The following CABIN1 variants were observed in gnomAD, a reference collection of about 807,000 sequenced individuals.
CABIN1 encodes calcineurin binding protein 1, also known as calcineurin-binding protein cabin-1.
CABIN1 carries 133 observed loss-of-function variants against 227.7 expected under a neutral mutation model. That is an observed-to-expected ratio of 0.58 (90% CI 0.51 to 0.67). CABIN1 has a LOEUF of 0.67. Ranked by LOEUF, CABIN1 falls within the 30% of genes least tolerant of loss-of-function variation. The probability of loss-of-function intolerance (pLI) is 0.00; values close to 1 mark genes in which losing one functional copy is unlikely to be tolerated. For synonymous variants in CABIN1, 1,086 were observed against 1,155.1 expected, an observed-to-expected ratio of 0.94 and a Z score of 1.21; for missense variants, 2,408 against 2,852.5, an observed-to-expected ratio of 0.84 and a Z score of 3.55.
intron 24 of CABIN1, among the ~76,000 whole-genome samples, chr22:24,092,419 A>G (rs1027152494): frequency 1.3e-5 from 2 of 152,134 alleles, no homozygotes; most frequent in African/African-American, 4.8e-5. Context: ...TGTTGCTTAT[A>G]GCAGTCTTGT....
chr22:24,057,308 C>G (rs560511877), intron 10 of CABIN1, among the ~76,000 whole-genome samples: 1 of 152,302 alleles, frequency 6.6e-6, no homozygotes, highest in African/African-American at 2.4e-5. Context: ...CTGAGCCTTC[C>G]TGGAGTTTAT....
intron 6 of CABIN1, among the ~76,000 whole-genome samples, chr22:24,048,233 G>A (rs956838000): frequency 6.6e-6 from 1 of 152,124 alleles, no homozygotes; most frequent in South Asian, 2.1e-4. Context: ...TAAGTTTTAT[G>A]TGTATAATGG....
intron 28 of CABIN1, among the ~76,000 whole-genome samples, chr22:24,127,295 A>G (rs1056821741): frequency 7.9e-5 from 12 of 152,208 alleles, no homozygotes; most frequent in Non-Finnish European, 1.0e-4. Flanking sequence ...GGGGCTGGCC[A>G]TTGATGGCTG....
intron 22 of CABIN1, 35 bp from the exon 23 acceptor site, chr22:24,087,417 G>C (rs1472777125): frequency 6.2e-7 from 1 of 1,611,058 alleles, no homozygotes; most frequent in African/African-American, 1.3e-5. Flanking sequence ...TTCATGTAGT[G>C]TTGTTTTTAG....
chr22:24,177,500 C>T lies in CABIN1; in HGVS notation c.6206-4C>T. The T allele has an allele frequency of 6.6e-7, 1 of 1,524,262 alleles. No individual in the cohort carries two copies. The highest frequency in any genetic ancestry group is 1.4e-5 in the African/African-American group (1 of 72,086). The allele number at this position is 1,524,262 out of a possible 1,614,324, so 94.4% of individuals were successfully genotyped here. On this transcript the variant is annotated splice_region_variant and splice_polypyrimidine_tract_variant and intron_variant, in intron 35 of 36. Transcript: ENST00000263119. This position sits in a 1 kb window ranked among gnomAD's most constrained non-coding sequence, Gnocchi z 4.4. ...GAAGTGCTCTTGGTACCTTTGTCTT[C>T]CAGAGGGGAAACTGAGGCCTGAGCC... is the stretch of plus-strand genomic sequence containing the variant.
At chr22:24,133,411 G>C (rs2044196731) in intron 28 of CABIN1, among the ~76,000 whole-genome samples, 1 of 152,252 alleles carries the variant, frequency 6.6e-6, no homozygotes, top group Admixed American at 6.5e-5. Context: ...AGGCCAAGAA[G>C]TGAGAGGGCT....
At chr22:24,070,678 G>A (rs1480920225) in intron 16 of CABIN1, 122 bp from the exon 17 acceptor site, 6 of 1,441,782 alleles carry the variant, frequency 4.2e-6, no homozygotes, top group East Asian at 2.3e-5. Flanking sequence ...GTTGTGCTGG[G>A]GCTCGTTCTT....
chr22:24,177,793 G>C lies in CABIN1; in HGVS notation c.6495G>C (p.Ser2165=), dbSNP rs145349240. The C allele has an allele frequency of 2.5e-6, 4 of 1,608,220 alleles. No homozygotes were observed. Among genetic ancestry groups the C allele is most frequent in the Non-Finnish European group, 3.4e-6 (4 of 1,176,212 alleles). ...PTLLSPKGSI[S]EETKQKLKSA... Reference sequence around the variant, plus strand: ...TGCTCTCCCCCAAAGGCAGCATCTCGGAGGAGACCAAGCAGAAGCTGAAGG... The same window carrying C: ...TGCTCTCCCCCAAAGGCAGCATCTCCGAGGAGACCAAGCAGAAGCTGAAGG... Residue 2165 remains serine (S), a synonymous_variant, in exon 36 of 37, where the codon TCG becomes TCC. Transcript: ENST00000263119. The surrounding 1 kb of genome is among the most constrained non-coding windows in gnomAD (Gnocchi z 4.4).
intron 28 of CABIN1, among the ~76,000 whole-genome samples, chr22:24,125,369 CT>C (rs2043655950): frequency 6.6e-6 from 1 of 152,228 alleles, no homozygotes; most frequent in Non-Finnish European, 1.5e-5. Context: ...CCTTGCCCCC[CT>C]GTTGTGAGTA....
rs764100528 is a variant in CABIN1 at position 24,171,860 on chromosome 22, G to A, written c.5905G>A (p.Ala1969Thr). Reference protein sequence around the residue: ...PSDAHTKPRPALAAATTIITC... With the variant: ...PSDAHTKPRPTLAAATTIITC... ...TGATGCTCACACCAAGCCTCGCCCT[G>A]CACTAGCTGCCGCCACAACTATTAT... Residue 1969 changes from alanine (A) to threonine (T), a missense_variant, in exon 34 of 37, where the codon GCA becomes ACA. Physicochemically the swap from Ala to Thr is moderately conservative, Grantham distance 58. This residue lies in a region of CABIN1 where 714 missense variants were observed against 773.8 expected (regional missense o/e 0.92). Coordinates refer to ENST00000263119, the MANE Select transcript of CABIN1 (RefSeq NM_012295.4). 21 of 1,613,954 alleles carry A rather than the reference G, an allele frequency of 1.3e-5. No homozygotes were observed. Among genetic ancestry groups the A allele is most frequent in the Non-Finnish European group, 1.7e-5 (20 of 1,180,040 alleles).
chr22:24,076,100 C>A (rs554857897), intron 18 of CABIN1, 69 bp from the exon 19 acceptor site: 120 of 1,072,008 alleles, frequency 1.1e-4, no homozygotes, highest in Non-Finnish European at 1.7e-4. Context: ...GGAGACTGAG[C>A]CTCGCAGCCC....
Position 24,153,861 on chromosome 22 carries a change from C to T in CABIN1, c.4747-10539C>T, listed in dbSNP as rs770757276. On this transcript the variant is annotated intron_variant, in intron 29 of 36. Transcript: ENST00000263119. ...TAGCACAGAAGCCCTGAGCTCCCCT[C>T]TTCCACCACAGGACTCCCTCCTGCT... is the stretch of plus-strand genomic sequence containing the variant. Among the ~76,000 whole-genome samples, 70 of 152,322 alleles carry T rather than the reference C, an allele frequency of 4.6e-4. 1 individual carries two copies. The highest frequency in any genetic ancestry group is 3.4e-3 in the Middle Eastern group (1 of 294).
chr22:24,049,448 C>T (rs1270579449), intron 7 of CABIN1, among the ~76,000 whole-genome samples: 5 of 152,242 alleles, frequency 3.3e-5, no homozygotes, highest in Non-Finnish European at 7.3e-5. Flanking sequence ...TGCTGCCCGC[C>T]TCTCCTGCTG....
intron 1 of CABIN1, among the ~76,000 whole-genome samples, chr22:24,013,887 G>A (rs1022324478): frequency 6.6e-6 from 1 of 152,086 alleles, no homozygotes; most frequent in African/African-American, 2.4e-5. Context: ...CTAATGATTG[G>A]GGTGAGATTA....
Position 24,119,603 on chromosome 22 carries a change from A to C in CABIN1, c.4537A>C (p.Ile1513Leu). 6.2e-7 allele frequency: 1 copy of C among 1,613,710 alleles called. No homozygotes were observed. Among genetic ancestry groups the C allele is most frequent in the Non-Finnish European group, 8.5e-7 (1 of 1,179,952 alleles). The change falls in exon 28 of 37, where the codon ATC becomes CTC. Residue 1513 changes from isoleucine to leucine, a missense_variant. Transcript: ENST00000263119. ...GCGGCAGTTTCTCACAGAGCAGTGC[A>C]TCGCCTCCTTCCGCCTGTGCCTGAG... Reference protein sequence around the residue: ...EQRQFLTEQCIASFRLCLSRF... With the variant: ...EQRQFLTEQCLASFRLCLSRF...
At chr22:24,168,350 C>T in intron 32 of CABIN1, 97 bp from the exon 33 acceptor site, 1 of 1,236,724 alleles carries the variant, frequency 8.1e-7, no homozygotes, top group South Asian at 1.3e-5. Flanking sequence ...GGGCATGCCC[C>T]CTACCTAGGC....
In CABIN1 at chr22:24,096,065, A is replaced by G; in HGVS notation, c.3921A>G (p.Thr1307=). 6.2e-7 allele frequency: 1 copy of G among 1,614,116 alleles called. No individual in the cohort carries two copies. The highest frequency in any genetic ancestry group is 8.5e-7 in the Non-Finnish European group (1 of 1,180,002). The change falls in exon 25 of 37, where the codon ACA becomes ACG. Residue 1307 remains threonine, a synonymous_variant. Coordinates refer to ENST00000263119, the MANE Select transcript of CABIN1 (RefSeq NM_012295.4). ...TTGCCAGGGGCGAGGAGAAGAACAC[A>G]CCCAAAGCTTCAGAAAAGTGAGTAG... ...GPFARGEEKN[T]PKASEKEKAC... is the part of the protein sequence containing the mutation.
chr22:24,026,211 C>A (rs557342288), intron 1 of CABIN1, among the ~76,000 whole-genome samples: 5 of 152,242 alleles, frequency 3.3e-5, no homozygotes, highest in African/African-American at 1.2e-4. Context: ...TGGGCTCAAG[C>A]AATCATCCTG....
At chr22:24,059,637 G>A (rs115188327) in intron 11 of CABIN1, among the ~76,000 whole-genome samples, 1 of 152,332 alleles carries the variant, frequency 6.6e-6, no homozygotes, top group African/African-American at 2.4e-5. Context: ...GTGTGTATCA[G>A]TGTATAACTG....
Sources: gnomAD v4.1 joint callset for allele counts (sites outside exome capture counted in the v4.1 genomes callset) on GRCh38, gnomAD v4.1.1 for gene constraint, gnomAD v4.1.1 regional missense constraint, Gnocchi (gnomAD v3.1) non-coding constraint, MANE v1.5 for transcripts, NCBI Gene and HGNC (gene_info 2026-07-23, HGNC 2026-07-21) for gene names.